PRKG1: variants seen among roughly 807,000 people sequenced by gnomAD.
The protein encoded by PRKG1 is protein kinase cGMP-dependent 1, also known as cGMP-dependent protein kinase 1.
Under a neutral mutation model 88.1 loss-of-function variants are expected in PRKG1, and 35 were observed. The observed-to-expected ratio is 0.40, with a 90% CI of 0.30 to 0.53. PRKG1 has a LOEUF of 0.53. PRKG1 is among the 20% of genes least tolerant of loss of function. PRKG1 has a pLI of 0.59. For missense variants in PRKG1, 540 were observed against 839.8 expected, an observed-to-expected ratio of 0.64 and a Z score of 4.41; for synonymous variants, 303 against 292.5, an observed-to-expected ratio of 1.04 and a Z score of -0.37.
intron 8 of PRKG1, among the ~76,000 whole-genome samples, chr10:52,135,302 A>G (rs374641265): frequency 6.6e-6 from 1 of 152,116 alleles, no homozygotes; most frequent in South Asian, 2.1e-4. Context: ...CTAAAGTGAG[A>G]CTGTGTAAAG....
At chr10:52,068,488 G>T (rs1389863741) in intron 7 of PRKG1, among the ~76,000 whole-genome samples, 1 of 152,122 alleles carries the variant, frequency 6.6e-6, no homozygotes, top group African/African-American at 2.4e-5. Flanking sequence ...ATTTATTAAT[G>T]ATTAGTCACT....
At chr10:51,085,482 G>C (rs1330253677) in intron 1 of PRKG1, among the ~76,000 whole-genome samples, 3 of 152,076 alleles carry the variant, frequency 2.0e-5, no homozygotes, top group African/African-American at 4.8e-5. Flanking sequence ...GCACTGTTGA[G>C]TACAGAACTT....
chr10:52,137,966 A>G (rs1339278482), intron 8 of PRKG1, among the ~76,000 whole-genome samples: 1 of 152,134 alleles, frequency 6.6e-6, no homozygotes, highest in Non-Finnish European at 1.5e-5. Flanking sequence ...TTGTTCAAAG[A>G]CAGCAACTTA....
rs145531615 is a variant in PRKG1, at chr10:52,180,514, T to G, written c.1076+18551T>G. Among the ~76,000 whole-genome samples, 35 of 152,350 alleles carry G rather than the reference T, an allele frequency of 2.3e-4. No individual in the cohort carries two copies. In the East Asian group the frequency reaches 6.8e-3, roughly 29 times the overall value. Reference sequence around the variant, plus strand: ...GAACAGTTATCTCTTCCAATTTTATTGTATAGGTTGGATAGGGAAAGATTT... The same window carrying G: ...GAACAGTTATCTCTTCCAATTTTATGGTATAGGTTGGATAGGGAAAGATTT... On this transcript the variant is annotated intron_variant, in intron 9 of 17. Transcript: ENST00000373980.
chr10:51,901,947 T>C (rs1283574739), intron 4 of PRKG1, among the ~76,000 whole-genome samples: 1 of 152,148 alleles, frequency 6.6e-6, no homozygotes, highest in Non-Finnish European at 1.5e-5. Context: ...TAATTACACA[T>C]ACTTATGGAG....
intron 3 of PRKG1, among the ~76,000 whole-genome samples, chr10:51,589,966 G>T (rs1262628021): frequency 6.6e-6 from 1 of 152,130 alleles, no homozygotes; most frequent in Non-Finnish European, 1.5e-5. Context: ...ATGATGAATA[G>T]GAGATCATAG....
intron 7 of PRKG1, among the ~76,000 whole-genome samples, chr10:52,088,624 G>T (rs1846975483): frequency 1.3e-5 from 2 of 152,120 alleles, no homozygotes; most frequent in Admixed American, 6.6e-5. Context: ...CAGTAACAGG[G>T]TGCCATCTTG....
chr10:51,930,082 C>T (rs1842657178), intron 5 of PRKG1, among the ~76,000 whole-genome samples: 1 of 152,196 alleles, frequency 6.6e-6, no homozygotes, highest in Non-Finnish European at 1.5e-5. Flanking sequence ...TCAGAATTTC[C>T]TTCCTTCTAA....
At chr10:51,480,356 G>T (rs1840318422) in intron 3 of PRKG1, among the ~76,000 whole-genome samples, 1 of 152,098 alleles carries the variant, frequency 6.6e-6, no homozygotes, top group Non-Finnish European at 1.5e-5. Context: ...TAACCATTTA[G>T]AATATTCCTA....
intron 1 of PRKG1, among the ~76,000 whole-genome samples, chr10:51,127,512 A>G (rs756870574): frequency 5.9e-5 from 9 of 152,188 alleles, no homozygotes; most frequent in Non-Finnish European, 1.0e-4. Context: ...TGTTGGTAGG[A>G]ATGTAAATTG....
chr10:52,093,074 A>G (rs1847092539), intron 7 of PRKG1, among the ~76,000 whole-genome samples: 1 of 152,172 alleles, frequency 6.6e-6, no homozygotes, highest in African/African-American at 2.4e-5. Flanking sequence ...TTAGTACCCC[A>G]TGAAATGTGA....
At chr10:52,133,724 G>A (rs755977518) in intron 7 of PRKG1, 116 bp from the exon 8 acceptor site, 4 of 795,940 alleles carry the variant, frequency 5.0e-6, no homozygotes, top group Non-Finnish European at 7.8e-6. Flanking sequence ...TAAGCCTGGA[G>A]GTGGATAAAT....
chr10:51,085,266 G>T (rs1844219810), intron 1 of PRKG1, among the ~76,000 whole-genome samples: 1 of 152,174 alleles, frequency 6.6e-6, no homozygotes, highest in Admixed American at 6.5e-5. Context: ...AACACGTTTT[G>T]TATTAAAGCG....
intron 3 of PRKG1, among the ~76,000 whole-genome samples, chr10:51,792,526 A>G (rs372584675): frequency 2.2e-3 from 328 of 152,266 alleles, no homozygotes; most frequent in African/African-American, 7.4e-3. Flanking sequence ...AAATGTAAGA[A>G]TATAGTGTAT....
At chr10:52,176,544 T>G (rs1200064057) in intron 9 of PRKG1, among the ~76,000 whole-genome samples, 3 of 152,142 alleles carry the variant, frequency 2.0e-5, no homozygotes, top group African/African-American at 4.8e-5. Context: ...TTTTTATTTA[T>G]TTTTCTGTGA....
chr10:51,834,795 A>G (rs898684485), intron 4 of PRKG1, among the ~76,000 whole-genome samples: 5 of 152,046 alleles, frequency 3.3e-5, no homozygotes, highest in African/African-American at 1.2e-4. Context: ...AAGTGAGGGT[A>G]TGAAAGAGCA....
At chr10:52,238,675 GT>G (rs1840758969) in intron 9 of PRKG1, among the ~76,000 whole-genome samples, 1 of 148,428 alleles carries the variant, frequency 6.7e-6, no homozygotes, top group Non-Finnish European at 1.5e-5. Context: ...GAAACAACAG[GT>G]GCTGGAGAGG....
At chr10:51,499,036 A>G (rs577040028) in intron 3 of PRKG1, among the ~76,000 whole-genome samples, 9 of 152,328 alleles carry the variant, frequency 5.9e-5, no homozygotes, top group African/African-American at 1.9e-4. Flanking sequence ...CCTAAGAGGT[A>G]AAGTGAGAAG....
At chr10:51,572,088 C>T (rs1195027524) in intron 3 of PRKG1, among the ~76,000 whole-genome samples, 2 of 151,930 alleles carry the variant, frequency 1.3e-5, no homozygotes, top group East Asian at 3.9e-4. Flanking sequence ...CATTTGAACA[C>T]ATAAAATTAA....
Sources: gnomAD v4.1 joint callset for allele counts (sites outside exome capture counted in the v4.1 genomes callset) on GRCh38, gnomAD v4.1.1 for gene constraint, MANE v1.5 for transcripts, NCBI Gene and HGNC (gene_info 2026-07-23, HGNC 2026-07-21) for gene names.